Variants in ABL1 observed in about 807,000 individuals in gnomAD.
ABL1 encodes the protein tyrosine-protein kinase ABL1.
ABL1 carries 11 observed loss-of-function variants against 94.7 expected under a neutral mutation model. That is an observed-to-expected ratio of 0.12 (90% CI 0.07 to 0.19). The LOEUF is 0.19. ABL1 is among the 10% of genes least tolerant of loss of function. The probability of loss-of-function intolerance (pLI) is 1.00; values close to 1 mark genes in which losing one functional copy is unlikely to be tolerated. For synonymous variants in ABL1, 656 were observed against 622.4 expected (o/e 1.05, Z -0.80); for missense variants, 1,082 against 1,489.4 (o/e 0.73, Z 4.50).
At position 130,791,831 on chromosome 9, in the gene ABL1, C is replaced by T. The variant is rs374879170; in HGVS notation, c.137-62233C>T. Among the ~76,000 whole-genome samples, 39 of 152,252 alleles carry T rather than the reference C, an allele frequency of 2.6e-4. 1 individual carries two copies. The East Asian group carries it at 5.2e-3, about 20-fold the overall frequency. On this transcript the variant is annotated intron_variant, in intron 1 of 10. Coordinates refer to the ABL1 transcript ENST00000372348. ...CTTTCCCGGCTTGCAGACCTCATAT[C>T]GTGGGACTTTGCCTTGTAATCATGT...
At chr9:130,717,047 T>G (rs540564138) in intron 1 of ABL1, among the ~76,000 whole-genome samples, 1 of 152,272 alleles carries the variant, frequency 6.6e-6, no homozygotes, top group African/African-American at 2.4e-5. Context: ...ATATTTTCTT[T>G]TTTGTTCGTT....
chr9:130,810,720 G>A (rs1830197933), intron 1 of ABL1, among the ~76,000 whole-genome samples: 1 of 151,684 alleles, frequency 6.6e-6, no homozygotes, highest in Non-Finnish European at 1.5e-5. Context: ...CTGAAGGAAG[G>A]GAGGGTATGA....
Position 130,870,483 on chromosome 9 carries a change from A to G in ABL1, c.823-1646A>G, listed in dbSNP as rs566279501. 3.9e-5 allele frequency among the ~76,000 whole-genome samples: 6 copies of G among 152,362 alleles called. No homozygotes were observed. The South Asian group carries it at 1.2e-3, about 32-fold the overall frequency. On this transcript the variant is annotated intron_variant, in intron 4 of 10. Coordinates refer to ENST00000318560, the MANE Select transcript of ABL1 (RefSeq NM_005157.6). The stretch of plus-strand genomic sequence containing the variant: ...TTTTTAACCATATTGTTGATCAAGC[A>G]AGATTCTTAAAGCCCCAGTCCTATA...
rs900799446 is a variant in ABL1 at position 130,859,683 on chromosome 9, T to C, written c.550-3080T>C. Among the ~76,000 whole-genome samples, 70 of 104,994 alleles carry C rather than the reference T, an allele frequency of 6.7e-4. 3 individuals carry two copies. The highest frequency in any genetic ancestry group is 2.2e-3 in the East Asian group (9 of 4,162). The allele number at this position is 104,994 out of a possible 152,430, so 68.9% of individuals were successfully genotyped here. ...TGTTTCTTTTCTTTCTTTCCTTTTT[T>C]TTTTTTTTTTTTTTTTTTTTTTTGA... On this transcript the variant is annotated intron_variant, in intron 3 of 10. Coordinates refer to ENST00000318560, the MANE Select transcript of ABL1 (RefSeq NM_005157.6).
chr9:130,776,323 C>T (rs748986949), intron 1 of ABL1, among the ~76,000 whole-genome samples: 7 of 152,154 alleles, frequency 4.6e-5, no homozygotes, highest in Admixed American at 1.3e-4. Flanking sequence ...AGGCTGGGCG[C>T]GGTGGCTCAT....
At chr9:130,726,701 T>A (rs1024255862) in intron 1 of ABL1, among the ~76,000 whole-genome samples, 5 of 152,212 alleles carry the variant, frequency 3.3e-5, no homozygotes, top group Non-Finnish European at 7.3e-5. Context: ...CTCAAACTCC[T>A]GGCTTCAAGC....
chr9:130,744,126 A>G (rs1234764078), intron 1 of ABL1, among the ~76,000 whole-genome samples: 2 of 151,216 alleles, frequency 1.3e-5, no homozygotes, highest in Non-Finnish European at 2.9e-5. Flanking sequence ...CAAAGCTCCT[A>G]TCACAACCCT....
At chr9:130,787,267 C>CTG (rs988281645) in intron 1 of ABL1, among the ~76,000 whole-genome samples, 9 of 152,168 alleles carry the variant, frequency 5.9e-5, no homozygotes, top group African/African-American at 2.2e-4. Flanking sequence ...TAGGCAGGTA[C>CTG]TGTGTGCCTG....
intron 1 of ABL1, among the ~76,000 whole-genome samples, chr9:130,716,242 G>A (rs892782548): frequency 3.3e-5 from 5 of 151,830 alleles, no homozygotes; most frequent in East Asian, 1.9e-4. Context: ...CTACAGGCAC[G>A]CGTCACTGAC....
At chr9:130,738,470 T>C (rs915566302) in intron 1 of ABL1, among the ~76,000 whole-genome samples, 1 of 152,190 alleles carries the variant, frequency 6.6e-6, no homozygotes, top group African/African-American at 2.4e-5. Context: ...ATGAGATAGT[T>C]TGTGTGCATG....
At chr9:130,742,067 G>A (rs1387136262) in intron 1 of ABL1, among the ~76,000 whole-genome samples, 1 of 152,106 alleles carries the variant, frequency 6.6e-6, no homozygotes, top group African/African-American at 2.4e-5. Context: ...TTGCTCCACA[G>A]ACCTAGTCCT....
Position 130,886,148 on chromosome 9 carries a change from C to T in ABL1, c.*465C>T, listed in dbSNP as rs1337142539. On this transcript the variant is annotated 3_prime_UTR_variant, in exon 11 of 11. Transcript: ENST00000318560. ...CCTTGTGTGTCAGGCCCTCTGCCTG[C>T]ACTCCCTGGCCTTGCCCGTCGTGTG... 2 of 248,142 alleles carry T rather than the reference C, an allele frequency of 8.1e-6. No homozygotes were observed. Among genetic ancestry groups the T allele is most frequent in the Non-Finnish European group, 7.9e-6 (1 of 127,384 alleles). 15.4% of individuals were successfully genotyped at this position (248,142 alleles called of 1,614,324 possible).
At position 130,814,446 on chromosome 9, in the gene ABL1, A is replaced by C. The variant is rs1420237754; in HGVS notation, c.137-39618A>C. On this transcript the variant is annotated intron_variant, in intron 1 of 10. Coordinates refer to the ABL1 transcript ENST00000372348. This position sits in a 1 kb window ranked among gnomAD's most constrained non-coding sequence, Gnocchi z 4.4. ...CTGATCAGGGGAAAAAAGGGAAGAC[A>C]ATAACTGTAATATCAGCAGTGAAAG... is the stretch of plus-strand genomic sequence containing the variant. Among the ~76,000 whole-genome samples the C allele has an allele frequency of 6.6e-6, 1 of 152,230 alleles. No individual in the cohort carries two copies. Among genetic ancestry groups the C allele is most frequent in the Non-Finnish European group, 1.5e-5 (1 of 68,040 alleles).
chr9:130,814,913 A>G lies in ABL1; in HGVS notation c.137-39151A>G, dbSNP rs574275099. On this transcript the variant is annotated intron_variant, in intron 1 of 10. Coordinates refer to the ABL1 transcript ENST00000372348. The surrounding 1 kb of genome is among the most constrained non-coding windows in gnomAD (Gnocchi z 4.4). ...ATAAAATAAAAATAAAGTTTAGTAA[A>G]ATAAAAAAAATCAGTAAAATACAAA... 2.6e-5 allele frequency among the ~76,000 whole-genome samples: 4 copies of G among 152,188 alleles called. No individual in the cohort carries two copies. The highest frequency in any genetic ancestry group is 5.9e-5 in the Non-Finnish European group (4 of 68,002).
chr9:130,762,090 C>T (rs1307679682), intron 1 of ABL1, among the ~76,000 whole-genome samples: 1 of 148,706 alleles, frequency 6.7e-6, no homozygotes, highest in Non-Finnish European at 1.5e-5. Flanking sequence ...TTGTGGGGAC[C>T]CAAGATCACG....
At chr9:130,808,124 C>T (rs1021212145) in intron 1 of ABL1, among the ~76,000 whole-genome samples, 1 of 151,284 alleles carries the variant, frequency 6.6e-6, no homozygotes, top group African/African-American at 2.4e-5. Context: ...CATAGATTTA[C>T]TTTCTGTCAG....
chr9:130,762,415 A>G (rs1039199040), intron 1 of ABL1, among the ~76,000 whole-genome samples: 5 of 152,096 alleles, frequency 3.3e-5, no homozygotes, highest in Admixed American at 2.0e-4. Context: ...ACTTTTGGGA[A>G]ACTTGTTTAT....
intron 1 of ABL1, among the ~76,000 whole-genome samples, chr9:130,825,191 T>A (rs1830409023): frequency 6.6e-6 from 1 of 152,202 alleles, no homozygotes; most frequent in South Asian, 2.1e-4. Flanking sequence ...ATAACTTGGA[T>A]AAACACTGGC....
intron 1 of ABL1, among the ~76,000 whole-genome samples, chr9:130,755,073 A>G (rs954955230): frequency 3.3e-5 from 5 of 152,228 alleles, no homozygotes; most frequent in African/African-American, 1.2e-4. Context: ...TGAAAGCTCC[A>G]CAAAAGTGTC....
Sources: gnomAD v4.1 joint callset for allele counts (sites outside exome capture counted in the v4.1 genomes callset) on GRCh38, gnomAD v4.1.1 for gene constraint, Gnocchi (gnomAD v3.1) non-coding constraint, MANE v1.5 for transcripts, NCBI Gene and HGNC (gene_info 2026-07-23, HGNC 2026-07-21) for gene names.